The following ARHGAP19 variants were observed in gnomAD, a reference collection of about 807,000 sequenced individuals.
ARHGAP19 encodes rho GTPase-activating protein 19.
A neutral mutation model predicts 60.9 loss-of-function variants in ARHGAP19; 48 were observed. The ratio of observed to expected loss-of-function variants is 0.79; its 90% CI spans 0.62 to 1.00. The LOEUF (loss-of-function observed/expected upper bound fraction) is 1.00, where lower values mean the gene tolerates loss of function less well. Among genes scored for constraint, ARHGAP19 ranks in the 50% least tolerant of loss-of-function variants. ARHGAP19 has a pLI of 0.00. For missense variants in ARHGAP19, 562 were observed against 597.2 expected (o/e 0.94, Z 0.61); for synonymous variants, 209 against 215.5 (o/e 0.97, Z 0.27).
intron 1 of ARHGAP19, among the ~76,000 whole-genome samples, chr10:97,291,406 G>C (rs1350956363): frequency 6.6e-6 from 1 of 152,062 alleles, no homozygotes; most frequent in Non-Finnish European, 1.5e-5. Context: ...TGCAACCTCC[G>C]CCTCAACCTC....
intron 8 of ARHGAP19, among the ~76,000 whole-genome samples, chr10:97,238,289 C>T (rs531689712): frequency 1.3e-5 from 2 of 152,270 alleles, no homozygotes; most frequent in South Asian, 4.1e-4. Flanking sequence ...TCACCGCAGC[C>T]CCAAACTCCT....
In ARHGAP19 at chr10:97,242,009, CAAAAAA is replaced by C. The variant is rs1199588724; in HGVS notation, c.1185+1953_1185+1958del. ...TGGGCGACAGAGTGAGACTCTGCCT[CAAAAAA>C]AAAAAAAAATAATAATAATAATAAT... On this transcript the variant is annotated intron_variant, in intron 8 of 11. Transcript: ENST00000358531. 3.0e-3 allele frequency among the ~76,000 whole-genome samples: 358 copies of C among 120,360 alleles called. 2 individuals carry two copies. The highest frequency in any genetic ancestry group is 0.01 in the African/African-American group (348 of 34,722). 79.0% of individuals were successfully genotyped at this position (120,360 alleles called of 152,430 possible). A position where few individuals can be genotyped will look rare whatever the true frequency, so the allele number is the denominator to read the frequency against.
chr10:97,232,927 T>G (rs113500415), intron 9 of ARHGAP19, among the ~76,000 whole-genome samples: 2 of 151,778 alleles, frequency 1.3e-5, no homozygotes, highest in Non-Finnish European at 2.9e-5. Flanking sequence ...GCGGGCAGAT[T>G]ACTTGAGGCC....
At chr10:97,279,290 G>A (rs1318812516) in intron 1 of ARHGAP19, among the ~76,000 whole-genome samples, 1 of 152,094 alleles carries the variant, frequency 6.6e-6, no homozygotes, top group Non-Finnish European at 1.5e-5. Context: ...TTCAGGGAAC[G>A]ATATCCAATT....
chr10:97,242,253 T>C (rs1312741060), intron 8 of ARHGAP19, among the ~76,000 whole-genome samples: 1 of 150,172 alleles, frequency 6.7e-6, no homozygotes, highest in Non-Finnish European at 1.5e-5. Flanking sequence ...TTCTTATCCT[T>C]CTCTATAATT....
chr10:97,250,710 G>A lies in ARHGAP19; in HGVS notation c.928-4373C>T, dbSNP rs866325493. 1.2e-4 allele frequency among the ~76,000 whole-genome samples: 18 copies of A among 150,390 alleles called. 1 individual carries two copies. Among genetic ancestry groups the A allele is most frequent in the Admixed American group, 4.7e-4 (7 of 15,028 alleles). ...TTTCTAAATTGAAAAACTATAAAAC[G>A]GAGCTTAAGACCAACAGAAATTTTC... is the stretch of plus-strand genomic sequence containing the variant. On this transcript the variant is annotated intron_variant, in intron 6 of 11. Coordinates refer to ENST00000358531, the MANE Select transcript of ARHGAP19 (RefSeq NM_032900.6).
At chr10:97,268,037 A>G (rs1196013174) in intron 1 of ARHGAP19, among the ~76,000 whole-genome samples, 1 of 152,214 alleles carries the variant, frequency 6.6e-6, no homozygotes, top group Non-Finnish European at 1.5e-5. Flanking sequence ...TTTCTTTTCT[A>G]CTGCATTGTC....
chr10:97,264,222 C>T (rs904189011), intron 3 of ARHGAP19, among the ~76,000 whole-genome samples: 18 of 152,106 alleles, frequency 1.2e-4, no homozygotes, highest in African/African-American at 4.3e-4. Flanking sequence ...GAGGCCTAGG[C>T]GGATGAATCA....
At chr10:97,251,312 A>G (rs1413741394) in intron 6 of ARHGAP19, among the ~76,000 whole-genome samples, 2 of 46,386 alleles carry the variant, frequency 4.3e-5, no homozygotes, top group Non-Finnish European at 8.3e-5. Context: ...AAAGGAAGGG[A>G]AGGGGAAGGG....
chr10:97,274,019 CATTT>C (rs1284680077), intron 1 of ARHGAP19, among the ~76,000 whole-genome samples: 3 of 151,720 alleles, frequency 2.0e-5, no homozygotes, highest in African/African-American at 2.4e-5. Context: ...TATATGATGA[CATTT>C]ATATCAAATT....
chr10:97,255,941 C>T (rs548622689), intron 6 of ARHGAP19, among the ~76,000 whole-genome samples: 35 of 152,310 alleles, frequency 2.3e-4, no homozygotes, highest in African/African-American at 7.9e-4. Flanking sequence ...AGCAGAAATA[C>T]AGCCTGTTTG....
chr10:97,246,660 C>CTA (rs1842568025), intron 6 of ARHGAP19, among the ~76,000 whole-genome samples: 1 of 152,086 alleles, frequency 6.6e-6, no homozygotes, highest in African/African-American at 2.4e-5. Flanking sequence ...TAACAAAAAC[C>CTA]ACCCCCTCAA....
At chr10:97,229,247 G>C in intron 10 of ARHGAP19, 22 bp from the exon 11 acceptor site, 1 of 1,587,070 alleles carries the variant, frequency 6.3e-7, no homozygotes, top group Non-Finnish European at 8.7e-7. Context: ...AAATTGTACA[G>C]TGGTTTCAAT....
At chr10:97,259,845 G>GTTTTGTTTTA in intron 4 of ARHGAP19, among the ~76,000 whole-genome samples, 1 of 149,890 alleles carries the variant, frequency 6.7e-6, no homozygotes, top group South Asian at 2.1e-4. Flanking sequence ...GTTTTGTTTT[G>GTTTTGTTTTA]TTTTTTTTGA....
Position 97,292,486 on chromosome 10 carries a change from G to A in ARHGAP19, c.56+86C>T. 4.7e-6 allele frequency: 7 copies of A among 1,499,944 alleles called. 1 individual carries two copies. Among genetic ancestry groups the A allele is most frequent in the Middle Eastern group, 1.7e-4 (1 of 5,832 alleles). 92.9% of individuals were successfully genotyped at this position (1,499,944 alleles called of 1,614,324 possible). ...GGGAGAAAGAAACAAAGCCCGAACC[G>A]TGCGCCTCCGTGACCCAAGGCAAAG... On this transcript the variant is annotated intron_variant, in intron 1 of 11. Coordinates refer to ENST00000358531, the MANE Select transcript of ARHGAP19 (RefSeq NM_032900.6).
chr10:97,228,505 T>C (rs1361151733), intron 11 of ARHGAP19, among the ~76,000 whole-genome samples: 1 of 152,226 alleles, frequency 6.6e-6, no homozygotes, highest in Non-Finnish European at 1.5e-5. Context: ...TCATAGAGAA[T>C]GGGTGGTTTT....
Position 97,264,808 on chromosome 10 carries a change from A to C in ARHGAP19, c.403+18T>G, listed in dbSNP as rs1842876649. 4 of 1,580,770 alleles carry C rather than the reference A, an allele frequency of 2.5e-6. No individual in the cohort carries two copies. Among genetic ancestry groups the C allele is most frequent in the Non-Finnish European group, 3.5e-6 (4 of 1,151,894 alleles). On this transcript the variant is annotated intron_variant, in intron 3 of 11. Coordinates refer to ENST00000358531, the MANE Select transcript of ARHGAP19 (RefSeq NM_032900.6). ...TTCTTCATTAAACAAAGAATGATAA[A>C]ATTTCAAGTAGTCTTACTTTTGTGT...
In ARHGAP19 at chr10:97,235,290, G is replaced by A; in HGVS notation, c.1211C>T (p.Thr404Ile). ...GGAAGTAGAAGGTTCTCGCCCTGGT[G>A]TCTGGGTCAATGATTGCTTATTAAA... ...RQFNKQSLTQ[T>I]PGREPSTSQV... Residue 404 changes from threonine to isoleucine, a missense_variant, in exon 9 of 12, where the codon ACA becomes ATA. By Grantham distance (89) the Thr-to-Ile change is moderately conservative. Coordinates refer to ENST00000358531, the MANE Select transcript of ARHGAP19 (RefSeq NM_032900.6). The A allele has an allele frequency of 6.2e-7, 1 of 1,613,586 alleles. No individual in the cohort carries two copies. Among genetic ancestry groups the A allele is most frequent in the East Asian group, 2.2e-5 (1 of 44,860 alleles).
chr10:97,231,967 T>C (rs1156345665), intron 9 of ARHGAP19, among the ~76,000 whole-genome samples: 1 of 150,286 alleles, frequency 6.7e-6, no homozygotes. Context: ...TCAACATTTG[T>C]TATTTTCCGT....
Sources: gnomAD v4.1 joint callset for allele counts (sites outside exome capture counted in the v4.1 genomes callset) on GRCh38, gnomAD v4.1.1 for gene constraint, MANE v1.5 for transcripts, NCBI Gene and HGNC (gene_info 2026-07-23, HGNC 2026-07-21) for gene names.